Variants in ABCB5 observed in about 807,000 individuals in gnomAD.
ABCB5 encodes the protein ATP binding cassette subfamily B member 5, also known as ATP-binding cassette sub-family B member 5.
In ABCB5, 155 loss-of-function variants were observed where a neutral mutation model predicts 144.2. The observed-to-expected ratio is 1.08, with a 90% CI of 0.94 to 1.23. The LOEUF is 1.23. Ranked by LOEUF, ABCB5 falls within the 50% of genes most tolerant of loss-of-function variation. The pLI is 0.00. For missense variants in ABCB5, 1,830 were observed against 1,520.8 expected (o/e 1.20, Z -3.38); for synonymous variants, 610 against 528.6 (o/e 1.15, Z -2.11).
intron 25 of ABCB5, 49 bp from the exon 26 acceptor site, chr7:20,745,183 A>T: frequency 2.6e-6 from 4 of 1,516,096 alleles, no homozygotes; most frequent in Non-Finnish European, 1.8e-6. Flanking sequence ...CTGTAACATG[A>T]TACAGTTGTG....
chr7:20,745,853 C>G (rs140575689), intron 26 of ABCB5, among the ~76,000 whole-genome samples: 4 of 152,190 alleles, frequency 2.6e-5, no homozygotes, highest in Admixed American at 2.0e-4. Context: ...TCACAACTGC[C>G]TCATGGCTCC....
intron 14 of ABCB5, among the ~76,000 whole-genome samples, chr7:20,668,526 CA>C (rs1785306466): frequency 6.6e-6 from 1 of 151,952 alleles, no homozygotes; most frequent in African/African-American, 2.4e-5. Context: ...CTCCGTCCGG[CA>C]GCCACCCCGT....
At chr7:20,640,658 C>A (rs1784276143) in intron 5 of ABCB5, among the ~76,000 whole-genome samples, 1 of 152,144 alleles carries the variant, frequency 6.6e-6, no homozygotes, top group Non-Finnish European at 1.5e-5. Context: ...AGGCAGAGTA[C>A]GTGTGCATCA....
At chr7:20,670,446 C>T (rs1785426522) in intron 14 of ABCB5, among the ~76,000 whole-genome samples, 1 of 151,796 alleles carries the variant, frequency 6.6e-6, no homozygotes, top group African/African-American at 2.4e-5. Flanking sequence ...ACCGATGAGC[C>T]CCAAATCCAA....
intron 26 of ABCB5, among the ~76,000 whole-genome samples, chr7:20,745,837 C>T (rs1244748610): frequency 6.6e-6 from 1 of 152,208 alleles, no homozygotes; most frequent in Non-Finnish European, 1.5e-5. Context: ...CCTATCCCTC[C>T]CCTGCTCACA....
At chr7:20,667,459 T>C in intron 14 of ABCB5, 1 of 984,988 alleles carries the variant, frequency 1.0e-6, no homozygotes, top group Non-Finnish European at 1.2e-6. Flanking sequence ...TGCAACCTTT[T>C]AATTGTTTGA....
intron 13 of ABCB5, 128 bp from the exon 14 acceptor site, chr7:20,658,378 C>T: frequency 1.5e-6 from 1 of 656,086 alleles, no homozygotes; most frequent in East Asian, 3.4e-5. Context: ...AATCAAAAGA[C>T]ATAAGCACCC....
intron 4 of ABCB5, 39 bp downstream of exon 4, chr7:20,628,877 A>G: frequency 6.2e-7 from 1 of 1,603,060 alleles, no homozygotes; most frequent in Non-Finnish European, 8.5e-7. Flanking sequence ...CTTAAGACAC[A>G]AAAGCATTGA....
At chr7:20,714,209 T>C (rs891227479) in intron 20 of ABCB5, among the ~76,000 whole-genome samples, 1 of 152,226 alleles carries the variant, frequency 6.6e-6, no homozygotes, top group South Asian at 2.1e-4. Flanking sequence ...ATTTCTACAA[T>C]TGCATACTGA....
chr7:20,681,769 A>G lies in ABCB5; in HGVS notation c.1869+103A>G. On this transcript the variant is annotated intron_variant, in intron 15 of 27. Coordinates refer to ENST00000404938, the MANE Select transcript of ABCB5 (RefSeq NM_001163941.2). The stretch of plus-strand genomic sequence containing the variant: ...TGCAAATTATAATCTTAAATTTCAA[A>G]AAGCAACCAAGGTTTATAGTTCCTC... 8 of 1,354,828 alleles carry G rather than the reference A, an allele frequency of 5.9e-6. No individual in the cohort carries two copies. The South Asian group carries it at 1.2e-4, about 20-fold the overall frequency. 83.9% of individuals were successfully genotyped at this position (1,354,828 alleles called of 1,614,324 possible). A position where few individuals can be genotyped will look rare whatever the true frequency, so the allele number is the denominator to read the frequency against.
chr7:20,647,161 G>C (rs1784429877), intron 9 of ABCB5: 1 of 380,756 alleles, frequency 2.6e-6, no homozygotes, highest in South Asian at 1.1e-4. Context: ...AAAGTTCAAG[G>C]GGTCACCCAA....
At chr7:20,702,828 ATTTTTTTT>A (rs5882755) in intron 19 of ABCB5, among the ~76,000 whole-genome samples, 3 of 114,102 alleles carry the variant, frequency 2.6e-5, no homozygotes, top group African/African-American at 6.7e-5. Flanking sequence ...CGCCTGGCTA[ATTTTTTTT>A]TTTTTTTTTT....
At chr7:20,651,174 G>A (rs1784570353) in intron 12 of ABCB5, among the ~76,000 whole-genome samples, 1 of 152,118 alleles carries the variant, frequency 6.6e-6, no homozygotes, top group Admixed American at 6.5e-5. Flanking sequence ...GTGGATCTTA[G>A]AATAAAGATA....
At chr7:20,747,886 G>A (rs772552467) in intron 26 of ABCB5, among the ~76,000 whole-genome samples, 20 of 152,118 alleles carry the variant, frequency 1.3e-4, no homozygotes, top group Non-Finnish European at 2.5e-4. Flanking sequence ...AATGCCTTCG[G>A]TTAGTACCCT....
Position 20,660,206 on chromosome 7 carries a change from C to G in ABCB5, c.1707+1530C>G, listed in dbSNP as rs1300572392. 9.1e-6 allele frequency: 9 copies of G among 984,036 alleles called. No individual in the cohort carries two copies. The African/African-American group carries it at 1.6e-4, about 17-fold the overall frequency. 61.0% of individuals were successfully genotyped at this position (984,036 alleles called of 1,614,324 possible). ...TATCAAAAGTGAAAAAAGAAGAATG[C>G]AGAATGTTTGTAAACTGATTCCAAA... On this transcript the variant is annotated intron_variant, in intron 14 of 27. Coordinates refer to ENST00000404938, the MANE Select transcript of ABCB5 (RefSeq NM_001163941.2).
At chr7:20,654,180 T>G (rs907576112) in intron 13 of ABCB5, among the ~76,000 whole-genome samples, 2 of 121,564 alleles carry the variant, frequency 1.6e-5, no homozygotes, top group African/African-American at 5.2e-5. Flanking sequence ...ATCAGCACTG[T>G]TTTTTTTTTG....
At chr7:20,672,861 C>A (rs1583415472) in intron 14 of ABCB5, among the ~76,000 whole-genome samples, 1 of 152,140 alleles carries the variant, frequency 6.6e-6, no homozygotes, top group Non-Finnish European at 1.5e-5. Context: ...GTTTTCCAGA[C>A]TGTTGACTCC....
At chr7:20,741,447 A>G (rs541377105) in intron 24 of ABCB5, among the ~76,000 whole-genome samples, 5 of 152,116 alleles carry the variant, frequency 3.3e-5, no homozygotes, top group Non-Finnish European at 5.9e-5. Context: ...AAAAAATAAA[A>G]CAAAAAGAAA....
chr7:20,639,678 T>A (rs941090785), intron 5 of ABCB5, among the ~76,000 whole-genome samples: 1 of 152,234 alleles, frequency 6.6e-6, no homozygotes, highest in African/African-American at 2.4e-5. Context: ...CCGTTTCTGT[T>A]CTCTAGGCTC....
Sources: allele counts gnomAD v4.1 joint callset (sites outside exome capture counted in the v4.1 genomes callset), GRCh38; gene constraint gnomAD v4.1.1; transcripts MANE v1.5; gene names NCBI Gene and HGNC (gene_info 2026-07-23, HGNC 2026-07-21).